Variants in KHSRP observed in about 807,000 individuals in gnomAD.
The protein encoded by KHSRP is KH-type splicing regulatory protein.
A neutral mutation model predicts 94.9 loss-of-function variants in KHSRP; 13 were observed. That is an observed-to-expected ratio of 0.14 (90% CI 0.09 to 0.22). KHSRP has a LOEUF of 0.22. KHSRP is among the 10% of genes least tolerant of loss of function. The pLI is 1.00. For missense variants in KHSRP, 710 were observed against 1,010.0 expected, an observed-to-expected ratio of 0.70 and a Z score of 4.03; for synonymous variants, 495 against 401.4, an observed-to-expected ratio of 1.23 and a Z score of -2.79.
intron 14 of KHSRP, 32 bp from the exon 15 acceptor site, chr19:6,416,439 G>C: frequency 6.2e-7 from 1 of 1,613,008 alleles, no homozygotes; most frequent in Non-Finnish European, 8.5e-7. Context: ...AAGGTAAGTG[G>C]GCTGGGATCC....
intron 2 of KHSRP, among the ~76,000 whole-genome samples, chr19:6,422,137 C>A (rs1251015497): frequency 6.6e-6 from 1 of 152,198 alleles, no homozygotes; most frequent in African/African-American, 2.4e-5. Context: ...TCGACCCAGT[C>A]ACAATCAATC....
At chr19:6,421,012 C>T (rs1224029602) in intron 4 of KHSRP, 5 of 509,432 alleles carry the variant, frequency 9.8e-6, no homozygotes, top group Non-Finnish European at 1.8e-5. Flanking sequence ...GAGTCCCCAC[C>T]CCAGCGGAGG....
intron 11 of KHSRP, 112 bp from the exon 12 acceptor site, chr19:6,417,199 C>T (rs569199840): frequency 5.7e-5 from 44 of 772,398 alleles, no homozygotes; most frequent in Middle Eastern, 3.9e-4. Context: ...ATCTCAGACG[C>T]GCTGCGCCGC....
Position 6,413,986 on chromosome 19 carries a change from G to A in KHSRP, c.*1038C>T, listed in dbSNP as rs557212204. 1.3e-4 allele frequency: 142 copies of A among 1,069,766 alleles called. No individual in the cohort carries two copies. The highest frequency in any genetic ancestry group is 3.0e-4 in the East Asian group (10 of 32,992). The allele number at this position is 1,069,766 out of a possible 1,614,324, so 66.3% of individuals were successfully genotyped here. On this transcript the variant is annotated 3_prime_UTR_variant, in exon 19 of 19. Transcript: ENST00000600480. Reference sequence around the variant, plus strand: ...AAGTCCCCCCCACCCTGCTTGCCGCGAGGGCTCCCCAGTACTCCCCACGGC... The same window carrying A: ...AAGTCCCCCCCACCCTGCTTGCCGCAAGGGCTCCCCAGTACTCCCCACGGC...
rs1568343172 is a variant in KHSRP, at chr19:6,418,100, GC to G, written c.880-22del. 1.2e-6 allele frequency: 2 copies of G among 1,607,606 alleles called. No individual in the cohort carries two copies. Among genetic ancestry groups the G allele is most frequent in the Non-Finnish European group, 8.5e-7 (1 of 1,174,320 alleles). ...GCTTGCTGCAAACACACAGGAAGCAGCCCCCATGGGTGAGCCCTGCTGCCCC... is the reference window on the plus strand; with the variant it reads ...GCTTGCTGCAAACACACAGGAAGCAGCCCCATGGGTGAGCCCTGCTGCCCC... On this transcript the variant is annotated intron_variant, in intron 9 of 18. Coordinates refer to ENST00000600480, the MANE Select transcript of KHSRP (RefSeq NM_001366299.1). The surrounding 1 kb of genome is among the most constrained non-coding windows in gnomAD (Gnocchi z 4.3).
Position 6,417,097 on chromosome 19 carries a change from G to A in KHSRP, c.1082-10C>T, listed in dbSNP as rs748268968. On this transcript the variant is annotated splice_polypyrimidine_tract_variant and intron_variant, in intron 11 of 18. Transcript: ENST00000600480. ...GGCCCTGTCCCGTCATCTGAGGCCA[G>A]CACCGAGAGAGCAGAGACACAAGTT... The A allele has an allele frequency of 2.5e-6, 4 of 1,594,842 alleles. No homozygotes were observed. The highest frequency in any genetic ancestry group is 1.1e-5 in the South Asian group (1 of 90,622).
Position 6,418,758 on chromosome 19 carries a change from C to G in KHSRP, c.724G>C (p.Ala242Pro). 6.2e-7 allele frequency: 1 copy of G among 1,612,990 alleles called. No homozygotes were observed. Among genetic ancestry groups the G allele is most frequent in the Non-Finnish European group, 8.5e-7 (1 of 1,179,592 alleles). ...CCAATGACCAGGCCGGCCTTGCCCG[C>G]GGGGATCATGATCTCCTGCACGGTG... is the stretch of plus-strand genomic sequence containing the variant. ...NGTVQEIMIP[A>P]GKAGLVIGKG... Residue 242 changes from alanine to proline, a missense_variant, in exon 8 of 19, where the codon GCG (alanine) becomes CCG (proline). Ala to Pro is a conservative substitution (Grantham distance 27). Around this residue, in one of 5 missense-constraint regions of KHSRP, gnomAD observed 288 missense variants for 501.1 expected, o/e 0.57. Transcript: ENST00000600480. The surrounding 1 kb of genome is among the most constrained non-coding windows in gnomAD (Gnocchi z 4.3).
At chr19:6,417,663 C>T in intron 11 of KHSRP, 76 bp downstream of exon 11, 2 of 1,289,562 alleles carry the variant, frequency 1.6e-6, no homozygotes, top group Non-Finnish European at 2.2e-6. Context: ...GACCACGGTG[C>T]CCAGCTCCCT....
At position 6,424,490 on chromosome 19, in the gene KHSRP, T is replaced by C; in HGVS notation, c.212A>G (p.Lys71Arg). The change falls in exon 1 of 19, where the codon AAG becomes AGG. Residue 71 changes from lysine to arginine, a missense_variant. Lys to Arg is a conservative substitution (Grantham distance 26). This residue lies in a region of KHSRP where 92 missense variants were observed against 80.8 expected (regional missense o/e 1.14). Transcript: ENST00000600480. ...CTGCACGGCGTCGGCGAAAGCGTCCTTGCGGATTCCCGGGCCGCCTCCGCC... is the reference window on the plus strand; with the variant it reads ...CTGCACGGCGTCGGCGAAAGCGTCCCTGCGGATTCCCGGGCCGCCTCCGCC... Reference protein sequence around the residue: ...PPGGGGPGIRKDAFADAVQRA... With the variant: ...PPGGGGPGIRRDAFADAVQRA... 2.0e-6 allele frequency: 2 copies of C among 987,910 alleles called. No individual in the cohort carries two copies. The highest frequency in any genetic ancestry group is 2.4e-6 in the Non-Finnish European group (2 of 833,366). The allele number at this position is 987,910 out of a possible 1,614,324, so 61.2% of individuals were successfully genotyped here.
At chr19:6,422,807 G>A (rs1413598833) in intron 1 of KHSRP, among the ~76,000 whole-genome samples, 6 of 152,084 alleles carry the variant, frequency 3.9e-5, no homozygotes, top group Non-Finnish European at 8.8e-5. Context: ...CCTGCCAGTG[G>A]CCCCAGCTCA....
At chr19:6,417,671 C>A in intron 11 of KHSRP, 68 bp downstream of exon 11, 2 of 1,385,756 alleles carry the variant, frequency 1.4e-6, no homozygotes, top group Non-Finnish European at 1.0e-6. Context: ...TGCCCAGCTC[C>A]CTCAGAGCCT....
chr19:6,421,170 G>T, intron 4 of KHSRP, 108 bp downstream of exon 4: 1 of 1,027,194 alleles, frequency 9.7e-7, no homozygotes, highest in Non-Finnish European at 1.5e-6. Flanking sequence ...GGCACTGGGG[G>T]ATAAAACCTG....
Position 6,424,477 on chromosome 19 carries a change from G to T in KHSRP, c.225C>A (p.Ala75=). The T allele has an allele frequency of 2.0e-6, 2 of 990,062 alleles. No homozygotes were observed. The highest frequency in any genetic ancestry group is 2.4e-6 in the Non-Finnish European group (2 of 834,530). The allele number at this position is 990,062 out of a possible 1,614,324, so 61.3% of individuals were successfully genotyped here. A position where few individuals can be genotyped will look rare whatever the true frequency, so the allele number is the denominator to read the frequency against. ...CCTGGCGGGCCCGCTGCACGGCGTC[G>T]GCGAAAGCGTCCTTGCGGATTCCCG... The part of the protein sequence containing the change: ...GGPGIRKDAF[A]DAVQRARQIA... Residue 75 remains alanine (A), a synonymous_variant, in exon 1 of 19, where the codon GCC becomes GCA. Coordinates refer to ENST00000600480, the MANE Select transcript of KHSRP (RefSeq NM_001366299.1).
Position 6,415,911 on chromosome 19 carries a change from A to G in KHSRP, c.1599-15T>C. On this transcript the variant is annotated splice_polypyrimidine_tract_variant and intron_variant, in intron 15 of 18. Coordinates refer to ENST00000600480, the MANE Select transcript of KHSRP (RefSeq NM_001366299.1). Reference sequence around the variant, plus strand: ...GCCCCCCGGCACTGCAGGAGAGAAGAAAGGGATGCTTGAGCAGTGGTGCGG... The same window carrying G: ...GCCCCCCGGCACTGCAGGAGAGAAGGAAGGGATGCTTGAGCAGTGGTGCGG... 2 of 1,471,792 alleles carry G rather than the reference A, an allele frequency of 1.4e-6. No individual in the cohort carries two copies. Among genetic ancestry groups the G allele is most frequent in the East Asian group, 2.4e-5 (1 of 41,996 alleles). The allele number at this position is 1,471,792 out of a possible 1,614,324, so 91.2% of individuals were successfully genotyped here.
Position 6,415,102 on chromosome 19 carries a change from G to T in KHSRP, c.2166C>A (p.Ser722=), listed in dbSNP as rs377737053. ...GATGGACGGTGGCCGGGGGTTGGAA[G>T]GAGAAAGGAGGAGGAGGAGGGTGGC... The part of the protein sequence containing the change: ...GNCHPPPPPF[S]FQPPATVHPA... Residue 722 remains serine, a synonymous_variant, in exon 19 of 19, where the codon TCC becomes TCA. Transcript: ENST00000600480. 32 of 1,595,166 alleles carry T rather than the reference G, an allele frequency of 2.0e-5. No homozygotes were observed. Among genetic ancestry groups the T allele is most frequent in the Non-Finnish European group, 2.6e-5 (31 of 1,177,802 alleles).
intron 4 of KHSRP, 96 bp downstream of exon 4, chr19:6,421,182 G>A (rs1459771549): frequency 1.7e-6 from 2 of 1,155,166 alleles, no homozygotes; most frequent in Non-Finnish European, 2.5e-6. Flanking sequence ...TAAAACCTGA[G>A]AGATGTGCCC....
rs771903763 is a variant in KHSRP, at chr19:6,418,886, G to A, written c.606-10C>T. ...CATCATCTTGGCTTTCCTGGGAAGGGGAGGAGCGGGGGATGAGCGGGTGCC... is the reference window on the plus strand; with the variant it reads ...CATCATCTTGGCTTTCCTGGGAAGGAGAGGAGCGGGGGATGAGCGGGTGCC... On this transcript the variant is annotated splice_polypyrimidine_tract_variant and intron_variant, in intron 7 of 18. Transcript: ENST00000600480. The surrounding 1 kb of genome is among the most constrained non-coding windows in gnomAD (Gnocchi z 4.3). 3.3e-6 allele frequency: 5 copies of A among 1,537,126 alleles called. No individual in the cohort carries two copies. In the Admixed American group the frequency reaches 8.9e-5, roughly 28 times the overall value.
At chr19:6,416,903 G>T in intron 12 of KHSRP, 21 bp from the exon 13 acceptor site, 1 of 1,612,626 alleles carries the variant, frequency 6.2e-7, no homozygotes, top group Non-Finnish European at 8.5e-7. Flanking sequence ...AGAGGAGGAG[G>T]AGGATGATGA....
chr19:6,416,355 G>T lies in KHSRP; in HGVS notation c.1541C>A (p.Pro514Gln). The T allele has an allele frequency of 6.2e-7, 1 of 1,610,564 alleles. No individual in the cohort carries two copies. The highest frequency in any genetic ancestry group is 1.1e-5 in the South Asian group (1 of 90,862). ...PGPGGPGPAGPMGPFNPGPFN... is the reference protein window; with the variant it reads ...PGPGGPGPAGQMGPFNPGPFN... Reference sequence around the variant, plus strand: ...GGGCCCAGGATTGAAGGGCCCCATTGGGCCAGCAGGGCCTGGGCCACCTGG... The same window carrying T: ...GGGCCCAGGATTGAAGGGCCCCATTTGGCCAGCAGGGCCTGGGCCACCTGG... The change falls in exon 15 of 19, where the codon CCA becomes CAA. Residue 514 changes from proline to glutamine, a missense_variant. By Grantham distance (76) the Pro-to-Gln change is moderately conservative. Around this residue, in one of 5 missense-constraint regions of KHSRP, gnomAD observed 292 missense variants for 340.5 expected, o/e 0.86. Transcript: ENST00000600480.
Sources: gnomAD v4.1 joint callset for allele counts (sites outside exome capture counted in the v4.1 genomes callset) on GRCh38, gnomAD v4.1.1 for gene constraint, gnomAD v4.1.1 regional missense constraint, Gnocchi (gnomAD v3.1) non-coding constraint, MANE v1.5 for transcripts, NCBI Gene and HGNC (gene_info 2026-07-23, HGNC 2026-07-21) for gene names.